IHO1: variants seen among roughly 807,000 people sequenced by gnomAD.
IHO1 encodes interactor of HORMAD1 1.
In IHO1, 13 loss-of-function variants were observed where a neutral mutation model predicts 31.0. The observed-to-expected ratio is 0.42, with a 90% CI of 0.27 to 0.67. IHO1 has a LOEUF of 0.67. Ranked by LOEUF, IHO1 falls within the 30% of genes least tolerant of loss-of-function variation. The pLI, the probability that IHO1 is intolerant of heterozygous loss-of-function variation, is 0.24. For synonymous variants in IHO1, 221 were observed against 248.4 expected (o/e 0.89, Z 1.04); for missense variants, 599 against 687.5 (o/e 0.87, Z 1.44).
At chr3:49,255,554 G>GA in intron 7 of IHO1, 61 bp downstream of exon 7, 63 of 604,960 alleles carry the variant, frequency 1.0e-4, no homozygotes, top group Non-Finnish European at 1.5e-4. Context: ...GACCCAGAGA[G>GA]AAACTTTTTT....
In IHO1 at chr3:49,256,355, G is replaced by A; in HGVS notation, c.858G>A (p.Gln286=). The A allele has an allele frequency of 6.2e-7, 1 of 1,614,176 alleles. No homozygotes were observed. The highest frequency in any genetic ancestry group is 2.2e-5 in the East Asian group (1 of 44,874). ...PLAQSLNLTR[Q]EKYTSEKPVL... Reference sequence around the variant, plus strand: ...CCCAGAGCCTCAATCTCACCAGGCAGGAAAAATACACCTCTGAGAAACCAG... The same window carrying A: ...CCCAGAGCCTCAATCTCACCAGGCAAGAAAAATACACCTCTGAGAAACCAG... Residue 286 remains glutamine (Q), a synonymous_variant, in exon 8 of 8, where the codon CAG becomes CAA. Coordinates refer to ENST00000452691, the MANE Select transcript of IHO1 (RefSeq NM_001135197.2). The surrounding 1 kb of genome is among the most constrained non-coding windows in gnomAD (Gnocchi z 4.6).
At chr3:49,238,182 G>A (rs1161593833) in intron 3 of IHO1, among the ~76,000 whole-genome samples, 16 of 152,078 alleles carry the variant, frequency 1.1e-4, no homozygotes. Context: ...GGGATTACAG[G>A]TGTGAGCCAC....
intron 1 of IHO1, among the ~76,000 whole-genome samples, chr3:49,209,511 C>T (rs1283845255): frequency 1.3e-5 from 2 of 151,668 alleles, no homozygotes; most frequent in Non-Finnish European, 2.9e-5. Context: ...CAGCACATGC[C>T]TGTAATTGCG....
intron 6 of IHO1, among the ~76,000 whole-genome samples, chr3:49,250,411 A>G (rs138512181): frequency 3.3e-5 from 5 of 152,328 alleles, no homozygotes; most frequent in Admixed American, 6.5e-5. Context: ...GGGGACAAGA[A>G]CTGAATGTAT....
intron 6 of IHO1, among the ~76,000 whole-genome samples, chr3:49,253,838 T>G (rs1033347068): frequency 1.4e-5 from 2 of 141,030 alleles, no homozygotes; most frequent in African/African-American, 5.3e-5. Flanking sequence ...CTTTTTTTTT[T>G]TTTTTTTTTT....
At chr3:49,203,853 A>AT (rs1327665088) in intron 1 of IHO1, among the ~76,000 whole-genome samples, 1 of 152,126 alleles carries the variant, frequency 6.6e-6, no homozygotes, top group Non-Finnish European at 1.5e-5. Flanking sequence ...GAGGACTTAG[A>AT]TTTTGGCCTG....
chr3:49,248,579 C>G (rs542187531), intron 6 of IHO1, among the ~76,000 whole-genome samples: 33 of 151,800 alleles, frequency 2.2e-4, no homozygotes, highest in Non-Finnish European at 3.7e-4. Flanking sequence ...AAAAAAAATA[C>G]AAAATTAGCC....
At chr3:49,201,759 A>T (rs2046072310) in intron 1 of IHO1, among the ~76,000 whole-genome samples, 2 of 152,134 alleles carry the variant, frequency 1.3e-5, no homozygotes, top group Non-Finnish European at 2.9e-5. Flanking sequence ...TCTACCAAAA[A>T]TACAAAAAAT....
chr3:49,206,194 G>A (rs1284098311), intron 1 of IHO1, among the ~76,000 whole-genome samples: 1 of 152,106 alleles, frequency 6.6e-6, no homozygotes, highest in Non-Finnish European at 1.5e-5. Flanking sequence ...TCGATCTCCT[G>A]ACCTCATGAT....
Position 49,237,116 on chromosome 3 carries a change from G to A in IHO1, c.231+394G>A, listed in dbSNP as rs750828444. ...TGTAATGCCAGCAATTTGGGAGGCC[G>A]AGGCAGGTGGATCACAAGGTCAGGA... On this transcript the variant is annotated intron_variant, in intron 3 of 7. Coordinates refer to ENST00000452691, the MANE Select transcript of IHO1 (RefSeq NM_001135197.2). Among the ~76,000 whole-genome samples, 72 of 152,026 alleles carry A rather than the reference G, an allele frequency of 4.7e-4. 1 individual carries two copies. The highest frequency in any genetic ancestry group is 3.4e-3 in the Middle Eastern group (1 of 294).
intron 6 of IHO1, among the ~76,000 whole-genome samples, chr3:49,248,169 T>G (rs1559452201): frequency 6.8e-6 from 1 of 146,102 alleles, no homozygotes; most frequent in Non-Finnish European, 1.5e-5. Context: ...ACGCCTGTAA[T>G]CCCAGCACTT....
At position 49,213,739 on chromosome 3, in the gene IHO1, A is replaced by G. The variant is rs551749614; in HGVS notation, c.56+1903A>G. On this transcript the variant is annotated intron_variant, in intron 2 of 7. Coordinates refer to ENST00000452691, the MANE Select transcript of IHO1 (RefSeq NM_001135197.2). ...GGCGCAGGCTGGCTGCTCTGAGTGC[A>G]GGGCCTGCCAAGCCCATGCCCACCT... 5.0e-3 allele frequency among the ~76,000 whole-genome samples: 759 copies of G among 152,312 alleles called. 6 individuals carry two copies. Among genetic ancestry groups the G allele is most frequent in the African/African-American group, 0.017 (727 of 41,576 alleles).
chr3:49,237,887 CTTTTTTTTTTTTTTTTTTTTT>C (rs574951773), intron 3 of IHO1, among the ~76,000 whole-genome samples: 4 of 51,414 alleles, frequency 7.8e-5, no homozygotes, highest in African/African-American at 3.3e-4. Flanking sequence ...CTGTCTTTTC[CTTTTTTTTTTTTTTTTTTTTT>C]TTTTTTTTTT....
intron 2 of IHO1, among the ~76,000 whole-genome samples, chr3:49,217,507 G>A (rs2046303931): frequency 8.1e-6 from 1 of 123,330 alleles, no homozygotes; most frequent in Non-Finnish European, 1.8e-5. Context: ...CTGGGGGGCT[G>A]GGGGAGGGAT....
chr3:49,231,955 G>A (rs1428921740), intron 2 of IHO1, among the ~76,000 whole-genome samples: 2 of 152,204 alleles, frequency 1.3e-5, no homozygotes, highest in African/African-American at 2.4e-5. Context: ...TTTGGCAAAT[G>A]GATGTCACAC....
intron 3 of IHO1, among the ~76,000 whole-genome samples, chr3:49,238,531 G>A (rs11920267): frequency 0.62 from 94,488 of 152,010 alleles, 30,326 homozygotes; most frequent in East Asian, 0.95. Flanking sequence ...ATGGCGTGGA[G>A]GGAATTTGGT....
chr3:49,207,525 T>C (rs2046154838), intron 1 of IHO1, among the ~76,000 whole-genome samples: 1 of 152,064 alleles, frequency 6.6e-6, no homozygotes, highest in Admixed American at 6.6e-5. Flanking sequence ...ATTACAGGTG[T>C]GATCTGGTGA....
At chr3:49,229,242 TG>T (rs1045542220) in intron 2 of IHO1, among the ~76,000 whole-genome samples, 4 of 152,234 alleles carry the variant, frequency 2.6e-5, no homozygotes, top group East Asian at 1.9e-4. Flanking sequence ...GAAGTCCAGC[TG>T]GCTTCACCTC....
At chr3:49,214,624 A>T (rs2046264248) in intron 2 of IHO1, among the ~76,000 whole-genome samples, 7 of 22,906 alleles carry the variant, frequency 3.1e-4, no homozygotes, top group African/African-American at 8.8e-4. Flanking sequence ...ATATATATAT[A>T]TATATATATT....
Sources: gnomAD v4.1 joint callset for allele counts (sites outside exome capture counted in the v4.1 genomes callset) on GRCh38, gnomAD v4.1.1 for gene constraint, Gnocchi (gnomAD v3.1) non-coding constraint, MANE v1.5 for transcripts, NCBI Gene and HGNC (gene_info 2026-07-23, HGNC 2026-07-21) for gene names.